PDIA4: variants seen among roughly 807,000 people sequenced by gnomAD.
PDIA4 encodes the protein protein disulfide-isomerase A4.
Under a neutral mutation model 62.1 loss-of-function variants are expected in PDIA4, and 33 were observed. The ratio of observed to expected loss-of-function variants is 0.53; its 90% CI spans 0.40 to 0.71. The LOEUF is 0.71. PDIA4 is among the 30% of genes least tolerant of loss of function. PDIA4 has a pLI of 0.00. For synonymous variants in PDIA4, 341 were observed against 324.1 expected (o/e 1.05, Z -0.56); for missense variants, 804 against 813.6 (o/e 0.99, Z 0.14).
At chr7:149,020,863 A>G in intron 2 of PDIA4, 104 bp downstream of exon 2, 2 of 1,477,812 alleles carry the variant, frequency 1.4e-6, no homozygotes, top group Non-Finnish European at 1.8e-6. Context: ...TCCTGCACCC[A>G]GACACTCCTA....
intron 3 of PDIA4, among the ~76,000 whole-genome samples, chr7:149,017,131 T>C (rs772982214): frequency 2.0e-4 from 31 of 151,792 alleles, no homozygotes; most frequent in Non-Finnish European, 3.7e-4. Flanking sequence ...GCCTATCTTA[T>C]GTCTATGAGG....
At chr7:149,017,745 A>G (rs1240447245) in intron 3 of PDIA4, among the ~76,000 whole-genome samples, 3 of 152,214 alleles carry the variant, frequency 2.0e-5, no homozygotes, top group Non-Finnish European at 4.4e-5. Flanking sequence ...AAAATCAAAT[A>G]ATTTATTTGT....
chr7:149,003,086 T>G lies in PDIA4; in HGVS notation c.*708A>C, dbSNP rs1335451870. On this transcript the variant is annotated 3_prime_UTR_variant, in exon 10 of 10. Transcript: ENST00000652332. The stretch of plus-strand genomic sequence containing the variant: ...CTTAACGTTTTTAATCGTGTTTTAT[T>G]CCATTGCCACAGCCTACTCTACCTT... 4.7e-5 allele frequency: 8 copies of G among 169,376 alleles called. No homozygotes were observed. The allele number at this position is 169,376 out of a possible 1,614,324, so 10.5% of individuals were successfully genotyped here. A position where few individuals can be genotyped will look rare whatever the true frequency, so the allele number is the denominator to read the frequency against.
chr7:149,012,795 C>T (rs1823995376), intron 4 of PDIA4, among the ~76,000 whole-genome samples: 1 of 152,072 alleles, frequency 6.6e-6, no homozygotes. Flanking sequence ...AGCCAGGAGC[C>T]CACGGGAGGT....
At chr7:149,017,006 G>A (rs1004821446) in intron 3 of PDIA4, among the ~76,000 whole-genome samples, 2 of 152,154 alleles carry the variant, frequency 1.3e-5, no homozygotes, top group African/African-American at 2.4e-5. Flanking sequence ...AGGAGCAGAG[G>A]AGAGCCTCTC....
chr7:149,008,027 G>T, intron 7 of PDIA4, 132 bp downstream of exon 7: 2 of 828,546 alleles, frequency 2.4e-6, no homozygotes, highest in Non-Finnish European at 1.8e-6. Context: ...GGGGAGAACG[G>T]GCTGGAAAAG....
chr7:149,008,062 G>A (rs1823821576), intron 7 of PDIA4, 97 bp downstream of exon 7: 2 of 1,207,040 alleles, frequency 1.7e-6, no homozygotes, highest in Admixed American at 4.8e-5. Flanking sequence ...GCAGACAAGA[G>A]CGAAACCTCC....
At chr7:149,012,759 T>TA (rs1271035211) in intron 4 of PDIA4, among the ~76,000 whole-genome samples, 1 of 151,926 alleles carries the variant, frequency 6.6e-6, no homozygotes, top group African/African-American at 2.4e-5. Flanking sequence ...GCAGTGGAGC[T>TA]AGGATCCAAG....
intron 1 of PDIA4, among the ~76,000 whole-genome samples, chr7:149,023,799 T>C (rs1048890293): frequency 6.6e-6 from 1 of 152,110 alleles, no homozygotes; most frequent in Non-Finnish European, 1.5e-5. Context: ...GGGTGAATTT[T>C]ACAAAAAACA....
intron 3 of PDIA4, among the ~76,000 whole-genome samples, chr7:149,016,402 A>G (rs1013503396): frequency 1.3e-5 from 2 of 152,270 alleles, no homozygotes; most frequent in Non-Finnish European, 2.9e-5. Flanking sequence ...GGTACAGGAT[A>G]GTATTTGACA....
rs1426792627 is a variant in PDIA4, at chr7:149,003,212, T to C, written c.*582A>G. The C allele has an allele frequency of 1.2e-5, 2 of 165,014 alleles. No homozygotes were observed. Among genetic ancestry groups the C allele is most frequent in the Middle Eastern group, 5.8e-4 (1 of 1,722 alleles). 10.2% of individuals were successfully genotyped at this position (165,014 alleles called of 1,614,324 possible). ...GGCTGCCACGTGGGTGGCCTCTCCC[T>C]GGAGCTGAGCCCACCCTGGGGGACC... On this transcript the variant is annotated 3_prime_UTR_variant, in exon 10 of 10. Transcript: ENST00000652332.
At chr7:149,022,700 G>C (rs35590396) in intron 1 of PDIA4, among the ~76,000 whole-genome samples, 1 of 152,040 alleles carries the variant, frequency 6.6e-6, no homozygotes, top group Non-Finnish European at 1.5e-5. Context: ...AAGGAACCCC[G>C]CGTGGACTCT....
At position 149,028,336 on chromosome 7, in the gene PDIA4, C is replaced by G; in HGVS notation, c.73G>C (p.Glu25Gln). The change falls in exon 1 of 10, where the codon GAG becomes CAG. Residue 25 changes from glutamate (E) to glutamine (Q), a missense_variant. Physicochemically the swap from Glu to Gln is conservative, Grantham distance 29. Coordinates refer to ENST00000652332, the MANE Select transcript of PDIA4 (RefSeq NM_004911.5). Reference sequence around the variant, plus strand: ...TGCCGCTCACCCTCGTCCGGGCCCTCGGCACCCGCCACGGCCAGCAGCTGC... The same window carrying G: ...TGCCGCTCACCCTCGTCCGGGCCCTGGGCACCCGCCACGGCCAGCAGCTGC... ...LVQLLAVAGA[E>Q]GPDEDSSNRE... The G allele has an allele frequency of 3.3e-6, 5 of 1,522,414 alleles. No homozygotes were observed. Among genetic ancestry groups the G allele is most frequent in the Non-Finnish European group, 3.5e-6 (4 of 1,138,258 alleles). The allele number at this position is 1,522,414 out of a possible 1,614,324, so 94.3% of individuals were successfully genotyped here.
At chr7:149,009,113 T>C (rs1479714729) in intron 6 of PDIA4, among the ~76,000 whole-genome samples, 2 of 152,158 alleles carry the variant, frequency 1.3e-5, no homozygotes, top group South Asian at 2.1e-4. Flanking sequence ...GTAATTTTAG[T>C]AGAGACAGGG....
Position 149,003,753 on chromosome 7 carries a change from A to C in PDIA4, c.*41T>G. The C allele has an allele frequency of 6.9e-7, 1 of 1,452,028 alleles. No individual in the cohort carries two copies. The allele number at this position is 1,452,028 out of a possible 1,614,324, so 89.9% of individuals were successfully genotyped here. A position where few individuals can be genotyped will look rare whatever the true frequency, so the allele number is the denominator to read the frequency against. ...TGGACGCCCCGACCATGGGCCACGCAGGGCGTCTGCCTCCTCCCACCTTCC... is the reference window on the plus strand; with the variant it reads ...TGGACGCCCCGACCATGGGCCACGCCGGGCGTCTGCCTCCTCCCACCTTCC... On this transcript the variant is annotated 3_prime_UTR_variant, in exon 10 of 10. Transcript: ENST00000652332.
chr7:149,018,614 T>C (rs1374649599), intron 3 of PDIA4, among the ~76,000 whole-genome samples: 1 of 152,080 alleles, frequency 6.6e-6, no homozygotes, highest in South Asian at 2.1e-4. Flanking sequence ...GTATTTTTAG[T>C]AGAGATGGGG....
In PDIA4 at chr7:149,019,209, ATTAGG is replaced by A; in HGVS notation, c.270-17_270-13del. ...TGCAATGTCCACACCTAACAATTAG[ATTAGG>A]AAGGGCAAAAAACGTTAACTGTACC... On this transcript the variant is annotated splice_polypyrimidine_tract_variant and intron_variant, in intron 2 of 9. Transcript: ENST00000652332. The A allele has an allele frequency of 6.3e-7, 1 of 1,591,182 alleles. No individual in the cohort carries two copies. Among genetic ancestry groups the A allele is most frequent in the Non-Finnish European group, 8.6e-7 (1 of 1,159,108 alleles).
intron 3 of PDIA4, among the ~76,000 whole-genome samples, chr7:149,016,668 C>T (rs1409974572): frequency 6.6e-6 from 1 of 152,140 alleles, no homozygotes; most frequent in African/African-American, 2.4e-5. Context: ...CCTGCCACCA[C>T]ATCCAGCTAA....
intron 8 of PDIA4, 53 bp from the exon 9 acceptor site, chr7:149,005,427 CTCAGACTCTGAGGTCAGGCTTCAGG>C (rs1823719611): frequency 8.5e-7 from 1 of 1,180,120 alleles, no homozygotes; most frequent in South Asian, 1.2e-5. Context: ...CAAGTCCCAG[CTCAGACTCTGAGGTCAGGCTTCAGG>C]TCCTGTCGCT....
Sources: allele counts gnomAD v4.1 joint callset (sites outside exome capture counted in the v4.1 genomes callset), GRCh38; gene constraint gnomAD v4.1.1; transcripts MANE v1.5; gene names NCBI Gene and HGNC (gene_info 2026-07-23, HGNC 2026-07-21).